TMEM114: variants seen among roughly 807,000 people sequenced by gnomAD.
TMEM114 encodes claudin-26.
TMEM114 carries 6 observed loss-of-function variants against 6.2 expected under a neutral mutation model. The observed-to-expected ratio is 0.97, with a 90% CI of 0.53 to 1.91. The LOEUF is 1.91. Ranked by LOEUF, TMEM114 falls within the 40% of genes most tolerant of loss-of-function variation. The pLI is 0.01. For missense variants in TMEM114, 218 were observed against 158.3 expected (o/e 1.38, Z -2.02); for synonymous variants, 104 against 73.0 (o/e 1.42, Z -2.16).
chr16:8,538,250 C>T (rs1166509433), intron 2 of TMEM114, among the ~76,000 whole-genome samples: 1 of 151,310 alleles, frequency 6.6e-6, no homozygotes, highest in Non-Finnish European at 1.5e-5. Context: ...GATCCTTCCA[C>T]TGCACTGTAG....
At chr16:8,545,495 T>G (rs1292365055) in intron 2 of TMEM114, among the ~76,000 whole-genome samples, 1 of 152,250 alleles carries the variant, frequency 6.6e-6, no homozygotes, top group African/African-American at 2.4e-5. Context: ...CACCTATTGC[T>G]ATCAAGTTAC....
At chr16:8,579,874 T>C (rs959703288) in intron 2 of TMEM114, among the ~76,000 whole-genome samples, 1 of 152,190 alleles carries the variant, frequency 6.6e-6, no homozygotes, top group Admixed American at 6.5e-5. Context: ...GTCGTGGGAC[T>C]GCAGACATGG....
intron 2 of TMEM114, among the ~76,000 whole-genome samples, chr16:8,548,226 C>G (rs568952606): frequency 6.6e-6 from 1 of 152,290 alleles, no homozygotes; most frequent in Admixed American, 6.5e-5. Flanking sequence ...CCTGGATTTT[C>G]TCATTTGTGA....
chr16:8,564,237 G>A (rs143381304), intron 2 of TMEM114, among the ~76,000 whole-genome samples: 13 of 8,400 alleles, frequency 1.5e-3, no homozygotes, highest in African/African-American at 4.9e-3. Flanking sequence ...GAGTGAGTTA[G>A]TGAATGAGTG....
downstream of TMEM114, among the ~76,000 whole-genome samples, chr16:8,565,425 G>C (rs986775714): frequency 6.6e-6 from 1 of 152,176 alleles, no homozygotes; most frequent in Non-Finnish European, 1.5e-5. Context: ...GAGAAAGAGA[G>C]CGGCCAGTTG....
Position 8,560,085 on chromosome 16 carries a change from C to T in TMEM114, n.213-22259G>A, listed in dbSNP as rs147623695. Among the ~76,000 whole-genome samples the T allele has an allele frequency of 4.0e-3, 603 of 152,282 alleles. 2 individuals carry two copies. Among genetic ancestry groups the T allele is most frequent in the African/African-American group, 0.013 (556 of 41,558 alleles). Reference sequence around the variant, plus strand: ...CATCACAGCTCACTGCAGCCTCGACCTCCTAGGCTCAATTCCCCCACCTCA... The same window carrying T: ...CATCACAGCTCACTGCAGCCTCGACTTCCTAGGCTCAATTCCCCCACCTCA... On this transcript the variant is annotated intron_variant and non_coding_transcript_variant, in intron 2 of 2. Coordinates refer to the TMEM114 transcript ENST00000623677.
chr16:8,547,584 G>A (rs1900710568), intron 2 of TMEM114, among the ~76,000 whole-genome samples: 1 of 151,904 alleles, frequency 6.6e-6, no homozygotes, highest in Non-Finnish European at 1.5e-5. Flanking sequence ...GTAGAGACAG[G>A]GTTTCACCAT....
chr16:8,547,420 T>C (rs1900704620), intron 2 of TMEM114, among the ~76,000 whole-genome samples: 1 of 147,622 alleles, frequency 6.8e-6, no homozygotes, highest in Non-Finnish European at 1.5e-5. Flanking sequence ...TGAGACGGAG[T>C]CTCGCTCTGT....
chr16:8,574,744 G>C (rs1901860061), intron 2 of TMEM114, among the ~76,000 whole-genome samples: 1 of 152,092 alleles, frequency 6.6e-6, no homozygotes, highest in South Asian at 2.1e-4. Flanking sequence ...AAATTAATGA[G>C]GTTTCCCAGA....
At chr16:8,536,642 C>G (rs1348656453), downstream of TMEM114, among the ~76,000 whole-genome samples, 1 of 152,104 alleles carries the variant, frequency 6.6e-6, no homozygotes. Flanking sequence ...TATTCTTTTT[C>G]TTTTTCTTTT....
At chr16:8,535,155 G>A (rs961746823), downstream of TMEM114, among the ~76,000 whole-genome samples, 1 of 152,036 alleles carries the variant, frequency 6.6e-6, no homozygotes, top group African/African-American at 2.4e-5. Context: ...AATAAACAGG[G>A]GCATATATTG....
intron 2 of TMEM114, among the ~76,000 whole-genome samples, chr16:8,544,482 C>A (rs114843495): frequency 6.6e-6 from 1 of 152,150 alleles, no homozygotes; most frequent in Non-Finnish European, 1.5e-5. Flanking sequence ...AGAAACAAAA[C>A]CTGCTGAATT....
intron 2 of TMEM114, among the ~76,000 whole-genome samples, chr16:8,564,033 G>C (rs1901409721): frequency 6.6e-6 from 1 of 151,312 alleles, no homozygotes; most frequent in Non-Finnish European, 1.5e-5. Context: ...GAGTAAATGA[G>C]TGACTGAATG....
intron 2 of TMEM114, among the ~76,000 whole-genome samples, chr16:8,563,413 ATTAG>A (rs1278797158): frequency 1.5e-5 from 2 of 136,116 alleles, no homozygotes; most frequent in Non-Finnish European, 3.1e-5. Flanking sequence ...GAGTGAGTTA[ATTAG>A]TGAGTGAATG....
intron 2 of TMEM114, among the ~76,000 whole-genome samples, chr16:8,544,065 G>A (rs1191811406): frequency 6.6e-6 from 1 of 152,082 alleles, no homozygotes; most frequent in Non-Finnish European, 1.5e-5. Flanking sequence ...ATTAGCCTAG[G>A]TTTTCTTTTT....
At chr16:8,566,100 G>T (rs932505156), downstream of TMEM114, among the ~76,000 whole-genome samples, 3 of 152,250 alleles carry the variant, frequency 2.0e-5, no homozygotes, top group Admixed American at 6.5e-5. Context: ...GCCAGGCACG[G>T]TGGCTCACGC....
the TMEM114 span, among the ~76,000 whole-genome samples, chr16:8,527,261 C>T: frequency 6.2e-4 from 95 of 152,278 alleles, 1 homozygote; most frequent in Non-Finnish European, 4.1e-4. Flanking sequence ...CTCATGGGCC[C>T]TTACAGCAAC....
intron 2 of TMEM114, among the ~76,000 whole-genome samples, chr16:8,558,729 A>G (rs1462159487): frequency 6.8e-6 from 1 of 147,244 alleles, no homozygotes; most frequent in Non-Finnish European, 1.5e-5. Context: ...AGATGCCAGT[A>G]TGATTGCACC....
intron 2 of TMEM114, among the ~76,000 whole-genome samples, chr16:8,572,616 G>A (rs1901774138): frequency 6.6e-6 from 1 of 151,952 alleles, no homozygotes; most frequent in Non-Finnish European, 1.5e-5. Context: ...TTTTATTTTT[G>A]GTAAAGATGA....
Sources: allele counts gnomAD v4.1 joint callset (sites outside exome capture counted in the v4.1 genomes callset), GRCh38; gene constraint gnomAD v4.1.1; transcripts MANE v1.5; gene names NCBI Gene and HGNC (gene_info 2026-07-23, HGNC 2026-07-21).